The following TBXA2R variants were observed in gnomAD, a reference collection of about 807,000 sequenced individuals.
TBXA2R encodes thromboxane A2 receptor.
TBXA2R carries 15 observed loss-of-function variants against 15.6 expected under a neutral mutation model. The observed-to-expected ratio is 0.96, with a 90% CI of 0.64 to 1.48. The LOEUF is 1.48. TBXA2R is among the 40% of genes most tolerant of loss of function. The pLI is 0.00. For missense variants in TBXA2R, 506 were observed against 491.4 expected, an observed-to-expected ratio of 1.03 and a Z score of -0.28; for synonymous variants, 280 against 241.2, an observed-to-expected ratio of 1.16 and a Z score of -1.49.
rs1454186022 is a variant in TBXA2R at position 3,600,163 on chromosome 19, C to T, written c.472G>A (p.Ala158Thr). ...RAWATVGLVWAAALALGLLPL... is the reference protein window; with the variant it reads ...RAWATVGLVWTAALALGLLPL... The stretch of plus-strand genomic sequence containing the variant: ...AGCAGGCCCAGCGCCAGCGCGGCCG[C>T]CCACACCAGCCCCACGGTGGCCCAG... The change falls in exon 2 of 3, where the codon GCG becomes ACG. Residue 158 changes from alanine to threonine, a missense_variant. Transcript: ENST00000375190. The T allele has an allele frequency of 8.7e-6, 14 of 1,600,232 alleles. No individual in the cohort carries two copies. The highest frequency in any genetic ancestry group is 1.7e-5 in the Admixed American group (1 of 58,536).
At chr19:3,604,324 C>T (rs868384581) in intron 1 of TBXA2R, among the ~76,000 whole-genome samples, 10 of 152,166 alleles carry the variant, frequency 6.6e-5, no homozygotes, top group African/African-American at 1.9e-4. Context: ...TCGTGTGACT[C>T]GGAGGGCTCT....
chr19:3,601,304 G>A (rs1047445111), intron 1 of TBXA2R, among the ~76,000 whole-genome samples: 12 of 151,548 alleles, frequency 7.9e-5, no homozygotes, highest in Admixed American at 2.6e-4. Context: ...CAAAGTGGGC[G>A]GATCACTTGA....
rs1473796743 is a variant in TBXA2R, at chr19:3,595,649, C to A, written c.*39G>T. Reference sequence around the variant, plus strand: ...GATGGGCTGTCCGAGGGGCCAAGGGCTCCGCGGAAAGGCGCGGGAGGGGCG... The same window carrying A: ...GATGGGCTGTCCGAGGGGCCAAGGGATCCGCGGAAAGGCGCGGGAGGGGCG... On this transcript the variant is annotated 3_prime_UTR_variant, in exon 3 of 3. Coordinates refer to ENST00000375190, the MANE Select transcript of TBXA2R (RefSeq NM_001060.6). 6.5e-7 allele frequency: 1 copy of A among 1,535,192 alleles called. No individual in the cohort carries two copies. The highest frequency in any genetic ancestry group is 2.0e-5 in the Admixed American group (1 of 50,118).
rs201563283 is a variant in TBXA2R, at chr19:3,600,825, G to GTTTTTTTTTTTTTTTTTTTTTTT, written c.-83-109_-83-108insAAAAAAAAAAAAAAAAAAAAAAA. 3 of 437,644 alleles carry GTTTTTTTTTTTTTTTTTTTTTTT rather than the reference G, an allele frequency of 6.9e-6. 1 individual carries two copies. Among genetic ancestry groups the GTTTTTTTTTTTTTTTTTTTTTTT allele is most frequent in the South Asian group, 5.6e-5 (2 of 35,444 alleles). 27.1% of individuals were successfully genotyped at this position (437,644 alleles called of 1,614,324 possible). A position where few individuals can be genotyped will look rare whatever the true frequency, so the allele number is the denominator to read the frequency against. ...ATGCCCCAGCTCAAATATCCTCTCCGGTTTTTTTTTTTTTTTTTTTTGAGA... is the reference window on the plus strand; with the variant it reads ...ATGCCCCAGCTCAAATATCCTCTCCGTTTTTTTTTTTTTTTTTTTTTTTGTTTTTTTTTTTTTTTTTTTTGAGA... On this transcript the variant is annotated intron_variant, in intron 1 of 2. Coordinates refer to ENST00000375190, the MANE Select transcript of TBXA2R (RefSeq NM_001060.6).
At chr19:3,605,096 C>T (rs1463837446) in intron 1 of TBXA2R, among the ~76,000 whole-genome samples, 1 of 152,222 alleles carries the variant, frequency 6.6e-6, no homozygotes, top group African/African-American at 2.4e-5. Context: ...GGGGACTCCC[C>T]CAGCCAGCCA....
chr19:3,594,561 G>A lies in TBXA2R; in HGVS notation c.*1127C>T. 3.9e-6 allele frequency: 1 copy of A among 254,578 alleles called. No individual in the cohort carries two copies. The highest frequency in any genetic ancestry group is 7.6e-6 in the Non-Finnish European group (1 of 131,562). The allele number at this position is 254,578 out of a possible 1,614,324, so 15.8% of individuals were successfully genotyped here. A position where few individuals can be genotyped will look rare whatever the true frequency, so the allele number is the denominator to read the frequency against. On this transcript the variant is annotated 3_prime_UTR_variant, in exon 3 of 3. Transcript: ENST00000375190. Reference sequence around the variant, plus strand: ...AGATTCAAAGGTGGTTTGATTGCAGGTTCCAGGGCTAACCTGTAGCCCTCC... The same window carrying A: ...AGATTCAAAGGTGGTTTGATTGCAGATTCCAGGGCTAACCTGTAGCCCTCC...
intron 1 of TBXA2R, among the ~76,000 whole-genome samples, chr19:3,605,029 C>T (rs1196149292): frequency 6.6e-6 from 1 of 152,214 alleles, no homozygotes; most frequent in African/African-American, 2.4e-5. Context: ...GCTCCATTTC[C>T]GAGAACATTT....
intron 2 of TBXA2R, among the ~76,000 whole-genome samples, chr19:3,596,524 AGTGAGACCTCAT>A (rs1355260807): frequency 1.3e-5 from 2 of 152,230 alleles, no homozygotes; most frequent in Admixed American, 1.3e-4. Flanking sequence ...TGGGGAACAT[AGTGAGACCTCAT>A]GTCTACAAAA....
At position 3,595,474 on chromosome 19, in the gene TBXA2R, GAA is replaced by G; in HGVS notation, c.*212_*213del. On this transcript the variant is annotated 3_prime_UTR_variant, in exon 3 of 3. Coordinates refer to ENST00000375190, the MANE Select transcript of TBXA2R (RefSeq NM_001060.6). The stretch of plus-strand genomic sequence containing the variant: ...GAGAAGGGGTGGGAGCTCTGGATGG[GAA>G]AAAGGGGCCGAGGAAGGGAGAGTGC... The G allele has an allele frequency of 7.0e-7, 1 of 1,423,042 alleles. No individual in the cohort carries two copies. Among genetic ancestry groups the G allele is most frequent in the Non-Finnish European group, 9.1e-7 (1 of 1,093,082 alleles). The allele number at this position is 1,423,042 out of a possible 1,614,324, so 88.2% of individuals were successfully genotyped here. A position where few individuals can be genotyped will look rare whatever the true frequency, so the allele number is the denominator to read the frequency against.
At chr19:3,605,409 C>T (rs2032811195) in intron 1 of TBXA2R, among the ~76,000 whole-genome samples, 1 of 152,054 alleles carries the variant, frequency 6.6e-6, no homozygotes, top group East Asian at 1.9e-4. Flanking sequence ...ATGTGACAGA[C>T]AGAAACACAG....
intron 1 of TBXA2R, among the ~76,000 whole-genome samples, chr19:3,601,763 C>G (rs2032742946): frequency 6.6e-6 from 1 of 151,798 alleles, no homozygotes; most frequent in East Asian, 1.9e-4. Flanking sequence ...CCCATCTTCA[C>G]TAAAAATACA....
At chr19:3,602,984 T>G (rs566652436) in intron 1 of TBXA2R, among the ~76,000 whole-genome samples, 7 of 149,844 alleles carry the variant, frequency 4.7e-5, no homozygotes, top group Non-Finnish European at 8.9e-5. Flanking sequence ...TGCAGTGAGC[T>G]GAGATCGCGC....
chr19:3,603,022 C>T (rs980285297), intron 1 of TBXA2R, among the ~76,000 whole-genome samples: 6 of 145,318 alleles, frequency 4.1e-5, no homozygotes, highest in South Asian at 2.2e-4. Flanking sequence ...GGCGACAGAG[C>T]GAGACTCCAT....
intron 1 of TBXA2R, among the ~76,000 whole-genome samples, chr19:3,603,622 T>A (rs1438094180): frequency 4.6e-5 from 7 of 151,920 alleles, no homozygotes; most frequent in African/African-American, 1.7e-4. Flanking sequence ...GGTCTCAGGG[T>A]CTCCTCGACC....
intron 1 of TBXA2R, among the ~76,000 whole-genome samples, chr19:3,603,184 G>A (rs1036423109): frequency 3.3e-5 from 5 of 152,356 alleles, no homozygotes; most frequent in East Asian, 1.9e-4. Context: ...ATTCCAGGGC[G>A]GTCAAATGGG....
chr19:3,598,832 CT>C, intron 2 of TBXA2R, among the ~76,000 whole-genome samples: 1 of 151,958 alleles, frequency 6.6e-6, no homozygotes, highest in African/African-American at 2.4e-5. Flanking sequence ...CCACGCCCGG[CT>C]AATTTTTTGT....
intron 2 of TBXA2R, 104 bp downstream of exon 2, chr19:3,599,745 G>A: frequency 1.3e-6 from 2 of 1,504,076 alleles, no homozygotes; most frequent in African/African-American, 1.4e-5. Flanking sequence ...GGGATTACCG[G>A]CGTGAGCCAC....
At chr19:3,600,913 C>T (rs1235887014) in intron 1 of TBXA2R, among the ~76,000 whole-genome samples, 196 bp from the exon 2 acceptor site, 2 of 148,076 alleles carry the variant, frequency 1.4e-5, no homozygotes, top group Non-Finnish European at 3.0e-5. Flanking sequence ...ACTGCAGCCT[C>T]GACCTTCTGG....
intron 1 of TBXA2R, among the ~76,000 whole-genome samples, chr19:3,606,320 A>G (rs1345980273): frequency 6.6e-6 from 1 of 151,780 alleles, no homozygotes; most frequent in African/African-American, 2.4e-5. Context: ...CCTGGGCCGC[A>G]CCCAGACCCA....
Sources: gnomAD v4.1 joint callset for allele counts (sites outside exome capture counted in the v4.1 genomes callset) on GRCh38, gnomAD v4.1.1 for gene constraint, MANE v1.5 for transcripts, NCBI Gene and HGNC (gene_info 2026-07-23, HGNC 2026-07-21) for gene names.